DLG2: variants seen among roughly 807,000 people sequenced by gnomAD.
The protein encoded by DLG2 is discs large MAGUK scaffold protein 2, also known as disks large homolog 2.
A neutral mutation model predicts 132.5 loss-of-function variants in DLG2; 45 were observed. The ratio of observed to expected loss-of-function variants is 0.34; its 90% CI spans 0.27 to 0.44. The LOEUF (loss-of-function observed/expected upper bound fraction) is 0.44, where lower values mean the gene tolerates loss of function less well. Ranked by LOEUF, DLG2 falls within the 20% of genes least tolerant of loss-of-function variation. The pLI is 1.00. For missense variants in DLG2, 1,045 were observed against 1,196.9 expected (o/e 0.87, Z 1.87); for synonymous variants, 424 against 419.6 (o/e 1.01, Z -0.13).
chr11:84,012,448 G>T (rs1394435534), intron 11 of DLG2, among the ~76,000 whole-genome samples: 1 of 152,126 alleles, frequency 6.6e-6, no homozygotes, highest in African/African-American at 2.4e-5. Context: ...CTTGACCACT[G>T]TTGGGTCATT....
At chr11:84,815,377 G>A (rs915343338) in intron 6 of DLG2, among the ~76,000 whole-genome samples, 6 of 151,914 alleles carry the variant, frequency 3.9e-5, no homozygotes, top group African/African-American at 1.5e-4. Context: ...CATCTCCAAG[G>A]GGCAGAAGGT....
chr11:84,194,449 T>C (rs1303774240), intron 8 of DLG2, among the ~76,000 whole-genome samples: 1 of 151,508 alleles, frequency 6.6e-6, no homozygotes, highest in African/African-American at 2.4e-5. Context: ...ACCCAAAGAG[T>C]GAGCAGCAGG....
chr11:85,112,598 T>G (rs1047097664), intron 5 of DLG2, among the ~76,000 whole-genome samples: 5 of 152,098 alleles, frequency 3.3e-5, no homozygotes, highest in African/African-American at 1.2e-4. Context: ...TGTGATTTAC[T>G]GAACAACTAA....
intron 3 of DLG2, among the ~76,000 whole-genome samples, chr11:85,593,727 C>T (rs986055340): frequency 2.6e-5 from 4 of 151,858 alleles, no homozygotes; most frequent in Admixed American, 6.6e-5. Context: ...CCAAAATAGC[C>T]GTGATATATT....
chr11:85,439,072 T>C (rs1459878656), intron 3 of DLG2, among the ~76,000 whole-genome samples: 1 of 152,212 alleles, frequency 6.6e-6, no homozygotes, highest in Admixed American at 6.5e-5. Flanking sequence ...ATACCACAGA[T>C]TGTTTAACTG....
intron 6 of DLG2, among the ~76,000 whole-genome samples, chr11:84,926,020 A>G (rs905747278): frequency 6.6e-6 from 1 of 152,122 alleles, no homozygotes; most frequent in Non-Finnish European, 1.5e-5. Flanking sequence ...GACAAACAAC[A>G]AACTGGGAAA....
At chr11:85,361,669 C>T (rs186564676) in intron 3 of DLG2, among the ~76,000 whole-genome samples, 2 of 152,310 alleles carry the variant, frequency 1.3e-5, no homozygotes, top group Admixed American at 1.3e-4. Context: ...GTAGTATCCA[C>T]AGCATGTGCG....
chr11:85,157,824 G>T (rs953214419), intron 4 of DLG2, among the ~76,000 whole-genome samples: 1 of 152,106 alleles, frequency 6.6e-6, no homozygotes, highest in African/African-American at 2.4e-5. Context: ...CATGAAGCTG[G>T]GAACACTGAG....
At chr11:85,610,828 A>G (rs939879816) in intron 2 of DLG2, among the ~76,000 whole-genome samples, 1 of 152,250 alleles carries the variant, frequency 6.6e-6, no homozygotes. Flanking sequence ...ATACTGGCTT[A>G]TCATCACCCT....
intron 14 of DLG2, among the ~76,000 whole-genome samples, chr11:83,956,012 A>G (rs1472263410): frequency 2.6e-5 from 4 of 151,944 alleles, no homozygotes; most frequent in Non-Finnish European, 5.9e-5. Context: ...AGTCCTCCTT[A>G]ATAAACTCCC....
At chr11:84,929,406 A>G (rs758862672) in intron 6 of DLG2, among the ~76,000 whole-genome samples, 2 of 152,124 alleles carry the variant, frequency 1.3e-5, no homozygotes, top group African/African-American at 4.8e-5. Context: ...TATGATATAA[A>G]GAATTAAACT....
chr11:85,268,691 G>A (rs2077358113), intron 4 of DLG2, among the ~76,000 whole-genome samples: 2 of 152,104 alleles, frequency 1.3e-5, no homozygotes, highest in South Asian at 4.2e-4. Flanking sequence ...TTTATGTCAG[G>A]TAGCACATTA....
chr11:84,605,868 T>G (rs150170616), intron 6 of DLG2, among the ~76,000 whole-genome samples: 289 of 152,178 alleles, frequency 1.9e-3, no homozygotes, highest in African/African-American at 6.8e-3. Flanking sequence ...TCTGCACCTG[T>G]GATCATGCTG....
At chr11:83,916,432 C>G (rs2076937190) in intron 15 of DLG2, among the ~76,000 whole-genome samples, 1 of 152,020 alleles carries the variant, frequency 6.6e-6, no homozygotes, top group Non-Finnish European at 1.5e-5. Flanking sequence ...TCTCCTGTCT[C>G]AACCTCTTGA....
intron 6 of DLG2, among the ~76,000 whole-genome samples, chr11:84,878,871 T>G (rs1245900233): frequency 1.3e-5 from 2 of 152,182 alleles, no homozygotes; most frequent in Non-Finnish European, 2.9e-5. Context: ...GAAAGATGGT[T>G]TCACCATGCT....
chr11:85,146,227 C>CTCTCTCTCTCTCTCTCT (rs1555384682), intron 5 of DLG2, among the ~76,000 whole-genome samples: 37 of 129,202 alleles, frequency 2.9e-4, no homozygotes, highest in African/African-American at 9.7e-4. Context: ...TCTGTTTCTC[C>CTCTCTCTCTCTCTCTCT]CTCTCTCTCT....
At chr11:83,916,411 G>C (rs2076933454) in intron 15 of DLG2, among the ~76,000 whole-genome samples, 1 of 151,994 alleles carries the variant, frequency 6.6e-6, no homozygotes, top group African/African-American at 2.4e-5. Flanking sequence ...TGCCTCTCAG[G>C]TTCAAGTGAC....
At chr11:83,721,091 A>G (rs2088425159) in intron 18 of DLG2, 1 of 152,098 alleles carries the variant, frequency 6.6e-6, no homozygotes, top group Non-Finnish European at 1.5e-5. Flanking sequence ...TCAAAGGGAG[A>G]TTTTTAATAG....
At chr11:84,979,615 T>C (rs571392251) in intron 6 of DLG2, among the ~76,000 whole-genome samples, 227 of 151,646 alleles carry the variant, frequency 1.5e-3, no homozygotes, top group African/African-American at 5.4e-3. Flanking sequence ...ATGAGAACAC[T>C]TGGACACAGG....
Sources: allele counts gnomAD v4.1 joint callset (sites outside exome capture counted in the v4.1 genomes callset), GRCh38; gene constraint gnomAD v4.1.1; transcripts MANE v1.5; gene names NCBI Gene and HGNC (gene_info 2026-07-23, HGNC 2026-07-21).